The following PSD3 variants were observed in gnomAD, a reference collection of about 807,000 sequenced individuals.
PSD3 encodes PH and SEC7 domain-containing protein 3.
A neutral mutation model predicts 105.5 loss-of-function variants in PSD3; 49 were observed. That is an observed-to-expected ratio of 0.46 (90% CI 0.37 to 0.59). The LOEUF (loss-of-function observed/expected upper bound fraction) is 0.59, where lower values mean the gene tolerates loss of function less well. Ranked by LOEUF, PSD3 falls within the 20% of genes least tolerant of loss-of-function variation. The pLI is 0.00. For missense variants in PSD3, 1,561 were observed against 1,263.8 expected, an observed-to-expected ratio of 1.24 and a Z score of -3.57; for synonymous variants, 557 against 457.8, an observed-to-expected ratio of 1.22 and a Z score of -2.77.
chr8:18,965,992 A>T (rs745585751), intron 1 of PSD3, among the ~76,000 whole-genome samples: 3 of 152,196 alleles, frequency 2.0e-5, no homozygotes, highest in Admixed American at 6.5e-5. Context: ...ACAACACCTG[A>T]TGAGGGGAGT....
At chr8:18,724,962 G>C (rs1292863071) in intron 9 of PSD3, among the ~76,000 whole-genome samples, 1 of 152,074 alleles carries the variant, frequency 6.6e-6, no homozygotes, top group Non-Finnish European at 1.5e-5. Context: ...AGAAAAGAAA[G>C]AAAAAGAAAA....
At chr8:18,627,172 A>G (rs1388684068) in intron 11 of PSD3, among the ~76,000 whole-genome samples, 1 of 152,112 alleles carries the variant, frequency 6.6e-6, no homozygotes, top group East Asian at 1.9e-4. Flanking sequence ...CTTACTGCTT[A>G]GAGAAAGAGT....
intron 1 of PSD3, among the ~76,000 whole-genome samples, chr8:18,975,318 T>TTA (rs1563479163): frequency 8.4e-6 from 1 of 119,014 alleles, no homozygotes; most frequent in East Asian, 2.2e-4. Flanking sequence ...TCTGAAATTT[T>TTA]TTTTTTTTTT....
intron 1 of PSD3, among the ~76,000 whole-genome samples, chr8:18,994,975 A>G (rs1281322458): frequency 3.3e-5 from 5 of 151,756 alleles, no homozygotes; most frequent in African/African-American, 1.2e-4. Flanking sequence ...CGTCCAGTCT[A>G]GAGCCATCTA....
chr8:18,961,119 C>T (rs1453037305), intron 1 of PSD3, among the ~76,000 whole-genome samples: 2 of 151,752 alleles, frequency 1.3e-5, no homozygotes, highest in African/African-American at 4.8e-5. Flanking sequence ...AAAAAGACTA[C>T]TGGTGAAAGA....
intron 15 of PSD3, among the ~76,000 whole-genome samples, chr8:18,536,729 T>G (rs996566766): frequency 6.6e-6 from 1 of 152,192 alleles, no homozygotes; most frequent in African/African-American, 2.4e-5. Context: ...TAAGATTTTT[T>G]TTTTCTTTTT....
At chr8:18,677,965 A>G (rs539872245) in intron 9 of PSD3, among the ~76,000 whole-genome samples, 8 of 150,148 alleles carry the variant, frequency 5.3e-5, no homozygotes, top group Admixed American at 2.0e-4. Context: ...AGCCGAGATC[A>G]GGCCACTGCA....
intron 8 of PSD3, among the ~76,000 whole-genome samples, chr8:18,786,044 T>C (rs1407437586): frequency 1.3e-5 from 2 of 152,162 alleles, no homozygotes; most frequent in Non-Finnish European, 2.9e-5. Flanking sequence ...TAAAATGAGA[T>C]ACGCCTATAC....
chr8:18,566,335 G>A (rs1009492892), intron 14 of PSD3, among the ~76,000 whole-genome samples: 2 of 152,004 alleles, frequency 1.3e-5, no homozygotes, highest in Non-Finnish European at 2.9e-5. Context: ...GACCATCATT[G>A]CTAACACGGT....
chr8:18,820,597 G>A (rs568282272), intron 4 of PSD3, among the ~76,000 whole-genome samples: 38 of 152,072 alleles, frequency 2.5e-4, no homozygotes, highest in African/African-American at 8.9e-4. Context: ...ATTGTTTGGG[G>A]AATAATGACA....
chr8:18,593,102 T>C (rs1056879737), intron 12 of PSD3, among the ~76,000 whole-genome samples: 3 of 152,042 alleles, frequency 2.0e-5, no homozygotes, highest in Middle Eastern at 3.4e-3. Flanking sequence ...GCAATGGCAA[T>C]AAAAGCCAAA....
intron 11 of PSD3, among the ~76,000 whole-genome samples, chr8:18,606,896 G>C (rs556012429): frequency 2.0e-5 from 3 of 152,178 alleles, no homozygotes; most frequent in Non-Finnish European, 4.4e-5. Context: ...AGGTATTATT[G>C]TCTCTGTTTT....
At chr8:18,741,296 G>A (rs959484148) in intron 9 of PSD3, among the ~76,000 whole-genome samples, 3 of 152,204 alleles carry the variant, frequency 2.0e-5, no homozygotes, top group East Asian at 1.9e-4. Flanking sequence ...AGAGAAAGTG[G>A]ACTCTGAAAG....
At chr8:18,859,502 C>T (rs375219495) in intron 4 of PSD3, among the ~76,000 whole-genome samples, 5 of 152,206 alleles carry the variant, frequency 3.3e-5, no homozygotes, top group Non-Finnish European at 5.9e-5. Context: ...CTCGTACTCT[C>T]TAGCTAAGAA....
intron 2 of PSD3, among the ~76,000 whole-genome samples, chr8:18,922,849 A>C (rs1163751452): frequency 3.3e-5 from 5 of 152,176 alleles, no homozygotes; most frequent in Admixed American, 3.3e-4. Context: ...AAAGGGATGC[A>C]TGGGGCAAGG....
intron 11 of PSD3, among the ~76,000 whole-genome samples, chr8:18,632,317 G>A (rs1263951545): frequency 6.6e-6 from 1 of 151,988 alleles, no homozygotes; most frequent in African/African-American, 2.4e-5. Context: ...ATTTCTGGTG[G>A]CTGGCACAGC....
intron 4 of PSD3, among the ~76,000 whole-genome samples, chr8:18,805,550 T>C (rs1007372477): frequency 1.3e-5 from 2 of 152,228 alleles, no homozygotes; most frequent in Non-Finnish European, 2.9e-5. Context: ...TCTTAAAGGA[T>C]ATTCTTACTT....
intron 1 of PSD3, among the ~76,000 whole-genome samples, chr8:18,962,363 A>T (rs1015457123): frequency 1.3e-5 from 2 of 152,226 alleles, no homozygotes; most frequent in Non-Finnish European, 2.9e-5. Flanking sequence ...GCTTGTTGTA[A>T]ATACCACGAA....
At chr8:18,636,803 C>T (rs192098692) in intron 10 of PSD3, among the ~76,000 whole-genome samples, 1 of 152,268 alleles carries the variant, frequency 6.6e-6, no homozygotes, top group East Asian at 1.9e-4. Flanking sequence ...AGCCTAGGAG[C>T]AATAGGCTAT....
Sources: allele counts gnomAD v4.1 joint callset (sites outside exome capture counted in the v4.1 genomes callset), GRCh38; gene constraint gnomAD v4.1.1; transcripts MANE v1.5; gene names NCBI Gene and HGNC (gene_info 2026-07-23, HGNC 2026-07-21).